SUMF1: variants seen among roughly 807,000 people sequenced by gnomAD.
The protein encoded by SUMF1 is sulfatase modifying factor 1.
In SUMF1, 48 loss-of-function variants were observed where a neutral mutation model predicts 47.6. That is an observed-to-expected ratio of 1.01 (90% CI 0.80 to 1.28). The LOEUF (loss-of-function observed/expected upper bound fraction) is 1.28, where lower values mean the gene tolerates loss of function less well. Ranked by LOEUF, SUMF1 falls within the 50% of genes most tolerant of loss-of-function variation. The pLI, the probability that SUMF1 is intolerant of heterozygous loss-of-function variation, is 0.00. For synonymous variants in SUMF1, 230 were observed against 192.1 expected, an observed-to-expected ratio of 1.20 and a Z score of -1.63; for missense variants, 571 against 485.4, an observed-to-expected ratio of 1.18 and a Z score of -1.66.
intron 8 of SUMF1, among the ~76,000 whole-genome samples, chr3:4,237,432 T>C (rs2124991348): frequency 6.6e-6 from 1 of 152,262 alleles, no homozygotes. Context: ...CCTTCTTTGA[T>C]TATGTGTGTG....
intron 1 of SUMF1, among the ~76,000 whole-genome samples, chr3:4,456,515 G>C (rs543122062): frequency 2.1e-5 from 3 of 144,952 alleles, no homozygotes; most frequent in Non-Finnish European, 4.5e-5. Context: ...GCAGTAGCAC[G>C]ATCTCGGCTC....
At chr3:4,235,703 T>C (rs534877132) in intron 8 of SUMF1, among the ~76,000 whole-genome samples, 2 of 152,084 alleles carry the variant, frequency 1.3e-5, no homozygotes, top group Admixed American at 6.6e-5. Context: ...CATGCCCTCA[T>C]ATTTCTTATG....
intron 9 of SUMF1, among the ~76,000 whole-genome samples, chr3:4,044,255 G>A (rs775383902): frequency 3.3e-4 from 51 of 152,270 alleles, no homozygotes; most frequent in Middle Eastern, 6.8e-3. Context: ...TCCTTGCTGT[G>A]AAAAATAATG....
intron 8 of SUMF1, among the ~76,000 whole-genome samples, chr3:4,136,822 G>C (rs1007239335): frequency 8.6e-5 from 13 of 151,956 alleles, no homozygotes; most frequent in African/African-American, 2.9e-4. Context: ...GATATGAACA[G>C]ACACTTCTCC....
chr3:4,440,573 GC>G (rs1309237234), intron 3 of SUMF1, among the ~76,000 whole-genome samples: 1 of 152,122 alleles, frequency 6.6e-6, no homozygotes, highest in African/African-American at 2.4e-5. Context: ...ATTATTCTTT[GC>G]CTTCTGTCCC....
chr3:4,088,689 G>A (rs531414950), intron 8 of SUMF1, among the ~76,000 whole-genome samples: 32 of 152,174 alleles, frequency 2.1e-4, no homozygotes, highest in African/African-American at 7.7e-4. Context: ...AGTCCCCAGC[G>A]CCTAGGATGG....
chr3:4,265,002 G>A (rs183024148), intron 8 of SUMF1, among the ~76,000 whole-genome samples: 14 of 152,024 alleles, frequency 9.2e-5, no homozygotes, highest in African/African-American at 2.4e-4. Flanking sequence ...GTGTGGTGGC[G>A]CATGCCTGTA....
intron 8 of SUMF1, among the ~76,000 whole-genome samples, chr3:4,095,928 T>C (rs1692893298): frequency 6.6e-6 from 1 of 152,164 alleles, no homozygotes; most frequent in Non-Finnish European, 1.5e-5. Flanking sequence ...ACACATTTTT[T>C]TTCTAATTGA....
intron 8 of SUMF1, among the ~76,000 whole-genome samples, chr3:4,292,934 T>C (rs747046351): frequency 1.2e-4 from 18 of 152,162 alleles, no homozygotes; most frequent in Non-Finnish European, 1.5e-5. Flanking sequence ...ACAAATTATA[T>C]TCAATGTTCT....
At chr3:4,382,138 G>A in intron 7 of SUMF1, among the ~76,000 whole-genome samples, 1 of 152,154 alleles carries the variant, frequency 6.6e-6, no homozygotes, top group East Asian at 1.9e-4. Context: ...GTGAGTGAAA[G>A]GCTAATGAAG....
At chr3:4,307,652 T>C (rs945771672) in intron 8 of SUMF1, among the ~76,000 whole-genome samples, 1 of 152,240 alleles carries the variant, frequency 6.6e-6, no homozygotes, top group African/African-American at 2.4e-5. Context: ...CGTGATTGTT[T>C]TGCATTTATT....
intron 8 of SUMF1, among the ~76,000 whole-genome samples, chr3:4,314,703 A>G (rs1016442475): frequency 2.6e-5 from 4 of 152,202 alleles, no homozygotes; most frequent in Admixed American, 2.0e-4. Context: ...CGGGAGTTTT[A>G]TGATCCCGTT....
chr3:4,452,733 G>C, intron 2 of SUMF1, 143 bp downstream of exon 2: 1 of 1,055,086 alleles, frequency 9.5e-7, no homozygotes, highest in Non-Finnish European at 1.4e-6. Context: ...GAGAAATTAA[G>C]ATGAAATATA....
At chr3:4,245,458 T>G (rs1482584530) in intron 8 of SUMF1, among the ~76,000 whole-genome samples, 2 of 152,170 alleles carry the variant, frequency 1.3e-5, no homozygotes, top group African/African-American at 4.8e-5. Flanking sequence ...ATGCTATTCC[T>G]TTCTGTTTGT....
At chr3:4,175,686 C>A (rs1472729998) in intron 8 of SUMF1, among the ~76,000 whole-genome samples, 2 of 152,132 alleles carry the variant, frequency 1.3e-5, no homozygotes, top group Non-Finnish European at 2.9e-5. Flanking sequence ...CAGAGAATGA[C>A]TTTGACAGGA....
intron 3 of SUMF1, among the ~76,000 whole-genome samples, chr3:4,442,286 C>G (rs961735907): frequency 2.0e-4 from 30 of 148,356 alleles, no homozygotes; most frequent in African/African-American, 6.9e-4. Flanking sequence ...GACGGAGTCT[C>G]GCTCTGTCGC....
chr3:4,152,583 G>T lies in SUMF1; in HGVS notation c.1015-83838C>A, dbSNP rs145604873. 2.2e-4 allele frequency among the ~76,000 whole-genome samples: 33 copies of T among 151,284 alleles called. No homozygotes were observed. In the East Asian group the frequency reaches 6.2e-3, roughly 28 times the overall value. On this transcript the variant is annotated intron_variant and NMD_transcript_variant, in intron 8 of 12. Transcript: ENST00000448413. ...GCTGGGATTACAGGCATGAGCCACC[G>T]TGCCTGGCCCAGTGTGGTTTCTAAA...
intron 3 of SUMF1, among the ~76,000 whole-genome samples, chr3:4,433,914 A>G (rs1432740891): frequency 6.6e-6 from 1 of 152,258 alleles, no homozygotes; most frequent in Non-Finnish European, 1.5e-5. Context: ...ATGACAGGTC[A>G]AGAGATATGT....
At chr3:4,258,467 C>G (rs1697008142) in intron 8 of SUMF1, among the ~76,000 whole-genome samples, 1 of 138,616 alleles carries the variant, frequency 7.2e-6, no homozygotes, top group Non-Finnish European at 1.6e-5. Flanking sequence ...TGAGCAGACA[C>G]TTCTCAAAAG....
Sources: allele counts gnomAD v4.1 joint callset (sites outside exome capture counted in the v4.1 genomes callset), GRCh38; gene constraint gnomAD v4.1.1; transcripts MANE v1.5; gene names NCBI Gene and HGNC (gene_info 2026-07-23, HGNC 2026-07-21).